XRCC5: variants seen among roughly 807,000 people sequenced by gnomAD.
XRCC5 encodes the protein DNA repair protein Ku80.
A neutral mutation model predicts 95.7 loss-of-function variants in XRCC5; 12 were observed. The ratio of observed to expected loss-of-function variants is 0.13; its 90% CI spans 0.08 to 0.20. The LOEUF (loss-of-function observed/expected upper bound fraction) is 0.20, where lower values mean the gene tolerates loss of function less well. Ranked by LOEUF, XRCC5 falls within the 10% of genes least tolerant of loss-of-function variation. The probability of loss-of-function intolerance (pLI) is 1.00; values close to 1 mark genes in which losing one functional copy is unlikely to be tolerated. For synonymous variants in XRCC5, 281 were observed against 290.3 expected (o/e 0.97, Z 0.33); for missense variants, 595 against 873.9 (o/e 0.68, Z 4.02).
chr2:216,191,168 G>T (rs1450867351), intron 17 of XRCC5, among the ~76,000 whole-genome samples: 1 of 152,176 alleles, frequency 6.6e-6, no homozygotes, highest in Non-Finnish European at 1.5e-5. Context: ...AGATGATTCA[G>T]TTGGATGGAG....
chr2:216,173,708 G>A (rs920185086), intron 16 of XRCC5, among the ~76,000 whole-genome samples: 23 of 152,194 alleles, frequency 1.5e-4, no homozygotes, highest in African/African-American at 5.3e-4. Flanking sequence ...GGTCATGGAG[G>A]CATCATTCTC....
chr2:216,117,007 C>A, intron 3 of XRCC5, 165 bp downstream of exon 3: 2 of 701,068 alleles, frequency 2.9e-6, no homozygotes, highest in Non-Finnish European at 4.7e-6. Context: ...TGAAATTAAT[C>A]AGTTTAAAAC....
intron 12 of XRCC5, among the ~76,000 whole-genome samples, chr2:216,140,417 G>A (rs1051060463): frequency 6.6e-6 from 1 of 152,198 alleles, no homozygotes; most frequent in African/African-American, 2.4e-5. Context: ...CAGTAGTTTA[G>A]GCAGAAGTAT....
chr2:216,134,417 T>C (rs980732298), intron 10 of XRCC5, among the ~76,000 whole-genome samples: 1 of 149,430 alleles, frequency 6.7e-6, no homozygotes, highest in African/African-American at 2.5e-5. Flanking sequence ...TCCTTCCTTC[T>C]TGTTTTTTTT....
chr2:216,134,388 G>A (rs1022528909), intron 10 of XRCC5, among the ~76,000 whole-genome samples: 6 of 151,648 alleles, frequency 4.0e-5, no homozygotes, highest in Admixed American at 2.0e-4. Context: ...TCACCATGTA[G>A]CAGTCATTCA....
chr2:216,132,468 T>C, intron 10 of XRCC5, 81 bp downstream of exon 10: 1 of 1,384,998 alleles, frequency 7.2e-7, no homozygotes, highest in Non-Finnish European at 1.0e-6. Flanking sequence ...GGGGCTTTTA[T>C]AGTTTAAAAT....
intron 14 of XRCC5, among the ~76,000 whole-genome samples, chr2:216,155,194 C>G (rs1688818110): frequency 7.6e-6 from 1 of 131,804 alleles, no homozygotes; most frequent in Non-Finnish European, 1.5e-5. Context: ...CTGTGAATAG[C>G]CACTGCACTC....
chr2:216,203,434 C>T (rs1293471862), intron 19 of XRCC5, among the ~76,000 whole-genome samples: 2 of 152,202 alleles, frequency 1.3e-5, no homozygotes, highest in Non-Finnish European at 2.9e-5. Context: ...GAACCCAGCT[C>T]TTAGAGGCAG....
chr2:216,198,454 T>C (rs1410564442), intron 19 of XRCC5, among the ~76,000 whole-genome samples: 2 of 152,230 alleles, frequency 1.3e-5, no homozygotes, highest in African/African-American at 4.8e-5. Flanking sequence ...AGATTATGCT[T>C]TTGTGTCTGC....
chr2:216,126,225 T>C (rs1696897905), intron 7 of XRCC5, among the ~76,000 whole-genome samples, 194 bp downstream of exon 7: 1 of 152,242 alleles, frequency 6.6e-6, no homozygotes, highest in Non-Finnish European at 1.5e-5. Flanking sequence ...TAAAGAATTG[T>C]CTATAATAGA....
chr2:216,178,418 G>A (rs1689318042), intron 16 of XRCC5, among the ~76,000 whole-genome samples: 1 of 152,136 alleles, frequency 6.6e-6, no homozygotes. Context: ...CCCTACTGAT[G>A]CCCTGTATTG....
intron 19 of XRCC5, among the ~76,000 whole-genome samples, chr2:216,198,483 CTTTAT>C (rs377678031): frequency 1.3e-3 from 199 of 152,192 alleles, no homozygotes; most frequent in African/African-American, 4.6e-3. Context: ...CACATGAACC[CTTTAT>C]TTTGTTTTCC....
intron 7 of XRCC5, among the ~76,000 whole-genome samples, chr2:216,127,020 G>A (rs1214504269): frequency 6.6e-6 from 1 of 152,110 alleles, no homozygotes; most frequent in Non-Finnish European, 1.5e-5. Context: ...CAGAGGCTGA[G>A]GTGAGCAGAT....
At chr2:216,189,271 C>G (rs1414477459) in intron 16 of XRCC5, among the ~76,000 whole-genome samples, 103 of 152,218 alleles carry the variant, frequency 6.8e-4, no homozygotes, top group Non-Finnish European at 4.4e-4. Flanking sequence ...CATAGAATAT[C>G]TTGAACATTC....
chr2:216,132,922 T>C (rs1163906176), intron 10 of XRCC5, among the ~76,000 whole-genome samples: 1 of 152,222 alleles, frequency 6.6e-6, no homozygotes. Flanking sequence ...ACTAACTTTG[T>C]TGGAGATACT....
At position 216,132,395 on chromosome 2, in the gene XRCC5, GGCA is replaced by G; in HGVS notation, c.1113+13_1113+15del. The G allele has an allele frequency of 1.9e-6, 3 of 1,613,654 alleles. No homozygotes were observed. The highest frequency in any genetic ancestry group is 2.5e-6 in the Non-Finnish European group (3 of 1,179,682). ...GCAGCAAGAGATGATGAGGTGAGTT[GGCA>G]GCAGGTCTTTGAGGTAGTGCTACAG... On this transcript the variant is annotated intron_variant, in intron 10 of 20. Transcript: ENST00000392132.
intron 16 of XRCC5, among the ~76,000 whole-genome samples, chr2:216,177,100 T>C (rs189960515): frequency 1.3e-5 from 2 of 152,358 alleles, no homozygotes; most frequent in African/African-American, 4.8e-5. Context: ...GACTTGTTCT[T>C]ATGTGGTCTC....
intron 2 of XRCC5, among the ~76,000 whole-genome samples, chr2:216,114,645 C>A (rs1696650096): frequency 1.3e-5 from 2 of 151,946 alleles, no homozygotes; most frequent in South Asian, 2.1e-4. Context: ...GGAAGACAGG[C>A]GGGCATAAAA....
chr2:216,148,167 G>C lies in XRCC5; in HGVS notation c.1561G>C (p.Glu521Gln). The C allele has an allele frequency of 6.2e-7, 1 of 1,614,108 alleles. No individual in the cohort carries two copies. Residue 521 changes from glutamate (E) to glutamine (Q), a missense_variant, in exon 14 of 21, where the codon GAG (glutamate) becomes CAG (glutamine). By Grantham distance (29) the Glu-to-Gln change is conservative. Transcript: ENST00000392132. ...TTGGAATATGCTGAATCCTCCCGCT[G>C]AGGTGACAACAAAAAGTCAGATTCC... is the stretch of plus-strand genomic sequence containing the variant. ...HIWNMLNPPA[E>Q]VTTKSQIPLS...
Sources: allele counts gnomAD v4.1 joint callset (sites outside exome capture counted in the v4.1 genomes callset), GRCh38; gene constraint gnomAD v4.1.1; transcripts MANE v1.5; gene names NCBI Gene and HGNC (gene_info 2026-07-23, HGNC 2026-07-21).